Variants in DRC8 observed in about 807,000 individuals in gnomAD.
DRC8 encodes dynein regulatory complex protein 8.
At chr1:244,991,479 T>G in the DRC8 span, among the ~76,000 whole-genome samples, 1 of 152,088 alleles carries the variant, frequency 6.6e-6, no homozygotes, top group Non-Finnish European at 1.5e-5. Flanking sequence ...CAGGGTGGGG[T>G]CAGGTTTGGG....
the DRC8 span, chr1:244,970,229 G>A: frequency 1.3e-6 from 1 of 749,202 alleles, no homozygotes; most frequent in South Asian, 1.5e-5. Flanking sequence ...CGAGGGTCGT[G>A]GCGCGAAACG....
At chr1:245,119,688 C>T in the DRC8 span, among the ~76,000 whole-genome samples, 2 of 149,470 alleles carry the variant, frequency 1.3e-5, no homozygotes, top group African/African-American at 4.9e-5. Flanking sequence ...AATCCCAACA[C>T]TTTGGGAGGC....
the DRC8 span, among the ~76,000 whole-genome samples, chr1:245,017,634 G>A: frequency 2.0e-5 from 3 of 152,182 alleles, no homozygotes; most frequent in South Asian, 6.2e-4. Context: ...TGGTACTCAG[G>A]AAATAGTCGT....
chr1:245,076,811 C>T, the DRC8 span, among the ~76,000 whole-genome samples: 1 of 152,046 alleles, frequency 6.6e-6, no homozygotes, highest in South Asian at 2.1e-4. Context: ...ACTGCACCCT[C>T]CATCTCCTGG....
chr1:245,101,244 T>C, the DRC8 span, among the ~76,000 whole-genome samples: 1 of 152,238 alleles, frequency 6.6e-6, no homozygotes, highest in Non-Finnish European at 1.5e-5. Flanking sequence ...ATCTTTCTTT[T>C]ATCCTTGCAG....
chr1:245,072,501 G>C, the DRC8 span, among the ~76,000 whole-genome samples: 1 of 152,146 alleles, frequency 6.6e-6, no homozygotes, highest in African/African-American at 2.4e-5. Context: ...CCCTCCCAAA[G>C]TGTGGGATTA....
chr1:245,099,996 T>G, the DRC8 span, among the ~76,000 whole-genome samples: 1 of 152,210 alleles, frequency 6.6e-6, no homozygotes, highest in African/African-American at 2.4e-5. Flanking sequence ...TTATTTTATT[T>G]TATTCATAAT....
At chr1:245,120,233 G>A in the DRC8 span, among the ~76,000 whole-genome samples, 3 of 152,126 alleles carry the variant, frequency 2.0e-5, no homozygotes, top group African/African-American at 7.2e-5. Context: ...CGATTCCAGG[G>A]AATCCTTGTG....
At chr1:244,981,835 T>G in the DRC8 span, among the ~76,000 whole-genome samples, 1 of 152,202 alleles carries the variant, frequency 6.6e-6, no homozygotes, top group Non-Finnish European at 1.5e-5. Context: ...AAAGCAACGC[T>G]TTTGAAATAT....
chr1:245,036,186 A>T, the DRC8 span, among the ~76,000 whole-genome samples: 7 of 152,334 alleles, frequency 4.6e-5, no homozygotes, highest in African/African-American at 1.7e-4. Context: ...TGACAACAAT[A>T]AAAAGACAAC....
At chr1:245,093,449 A>G in the DRC8 span, among the ~76,000 whole-genome samples, 2 of 152,160 alleles carry the variant, frequency 1.3e-5, no homozygotes, top group African/African-American at 2.4e-5. Flanking sequence ...CTGTAATCCC[A>G]GCACTTTGGG....
At chr1:245,106,767 T>C in the DRC8 span, among the ~76,000 whole-genome samples, 1 of 152,224 alleles carries the variant, frequency 6.6e-6, no homozygotes, top group Admixed American at 6.5e-5. Flanking sequence ...TATGGTGGCC[T>C]GGTGCAGTGG....
chr1:244,976,105 C>T, the DRC8 span, among the ~76,000 whole-genome samples: 27 of 151,786 alleles, frequency 1.8e-4, no homozygotes, highest in East Asian at 4.3e-3. Flanking sequence ...GCTCTCTCTA[C>T]GAAAAATACA....
the DRC8 span, among the ~76,000 whole-genome samples, chr1:245,030,025 C>T: frequency 6.6e-6 from 1 of 152,134 alleles, no homozygotes; most frequent in African/African-American, 2.4e-5. Context: ...GGGTGTGTAC[C>T]CTCTGTGGCT....
the DRC8 span, among the ~76,000 whole-genome samples, chr1:245,047,964 G>C: frequency 7.7e-6 from 1 of 130,026 alleles, no homozygotes; most frequent in African/African-American, 2.8e-5. Flanking sequence ...GAGAGAGCTG[G>C]ACTCTGTCTC....
At chr1:244,971,655 C>A in the DRC8 span, among the ~76,000 whole-genome samples, 3 of 152,128 alleles carry the variant, frequency 2.0e-5, no homozygotes, top group Non-Finnish European at 4.4e-5. Context: ...CCTCTCAAAC[C>A]ATTTTTCTCA....
chr1:244,969,908 G>A, the DRC8 span: 1 of 448,606 alleles, frequency 2.2e-6, no homozygotes, highest in Non-Finnish European at 3.9e-6. Context: ...GGAGGAGGCC[G>A]GGCCGCGGGC....
the DRC8 span, among the ~76,000 whole-genome samples, chr1:245,057,866 A>G: frequency 1.3e-5 from 2 of 152,256 alleles, no homozygotes; most frequent in Admixed American, 1.3e-4. Context: ...CTACTGTACT[A>G]TCAAATACTG....
chr1:245,080,157 C>T, the DRC8 span, among the ~76,000 whole-genome samples: 1 of 152,218 alleles, frequency 6.6e-6, no homozygotes, highest in Non-Finnish European at 1.5e-5. Flanking sequence ...TTTGTTTTTG[C>T]TCGAAGAATA....
Sources: allele counts gnomAD v4.1 joint callset (sites outside exome capture counted in the v4.1 genomes callset), GRCh38; gene constraint gnomAD v4.1.1; transcripts MANE v1.5; gene names NCBI Gene and HGNC (gene_info 2026-07-23, HGNC 2026-07-21).